Variants in RASEF observed in about 807,000 individuals in gnomAD.
RASEF encodes RAS and EF-hand domain containing, also known as ras and EF-hand domain-containing protein.
A neutral mutation model predicts 90.1 loss-of-function variants in RASEF; 68 were observed. The ratio of observed to expected loss-of-function variants is 0.75; its 90% CI spans 0.62 to 0.92. RASEF has a LOEUF of 0.92. RASEF is among the 40% of genes least tolerant of loss of function. The pLI is 0.00. For missense variants in RASEF, 949 were observed against 937.2 expected, an observed-to-expected ratio of 1.01 and a Z score of -0.16; for synonymous variants, 331 against 345.2, an observed-to-expected ratio of 0.96 and a Z score of 0.46.
chr9:83,086,505 T>G, the RASEF span, among the ~76,000 whole-genome samples: 1 of 152,332 alleles, frequency 6.6e-6, no homozygotes, highest in East Asian at 1.9e-4. Flanking sequence ...ACCATAACTA[T>G]GTTTTATACC....
chr9:83,108,172 G>A, the RASEF span, among the ~76,000 whole-genome samples: 1 of 152,114 alleles, frequency 6.6e-6, no homozygotes. Flanking sequence ...ATGGGTGTAT[G>A]TATGTGTAAA....
chr9:83,037,937 A>G (rs1482266708), intron 1 of RASEF, among the ~76,000 whole-genome samples: 1 of 152,096 alleles, frequency 6.6e-6, no homozygotes, highest in Non-Finnish European at 1.5e-5. Flanking sequence ...AAGGAATTAA[A>G]CAAATTCAAT....
the RASEF span, among the ~76,000 whole-genome samples, chr9:83,217,777 A>T: frequency 1.3e-5 from 2 of 152,184 alleles, no homozygotes; most frequent in Non-Finnish European, 2.9e-5. Context: ...CGGTTTCCTC[A>T]TTCATAAAAA....
the RASEF span, among the ~76,000 whole-genome samples, chr9:83,090,984 T>C: frequency 7.2e-5 from 11 of 152,194 alleles, no homozygotes; most frequent in Admixed American, 7.2e-4. Flanking sequence ...GGTTAGCTAC[T>C]AATTGGACAG....
the RASEF span, among the ~76,000 whole-genome samples, chr9:83,153,332 T>A: frequency 6.6e-6 from 1 of 152,182 alleles, no homozygotes; most frequent in East Asian, 1.9e-4. Flanking sequence ...ATGGTATATA[T>A]CTGATTAAAC....
At chr9:83,085,080 A>C in the RASEF span, among the ~76,000 whole-genome samples, 1 of 152,184 alleles carries the variant, frequency 6.6e-6, no homozygotes, top group Admixed American at 6.5e-5. Flanking sequence ...CCCAGTAAGA[A>C]CAAGTAGGTA....
the RASEF span, among the ~76,000 whole-genome samples, chr9:83,161,675 G>A: frequency 1.0e-5 from 1 of 98,042 alleles, no homozygotes; most frequent in African/African-American, 4.8e-5. Context: ...TGAGATTTGG[G>A]AGGGGACAGG....
In RASEF at chr9:83,062,734, G is replaced by T; in HGVS notation, c.134C>A (p.Ala45Asp). The T allele has an allele frequency of 2.5e-6, 4 of 1,571,010 alleles. No homozygotes were observed. Among genetic ancestry groups the T allele is most frequent in the Non-Finnish European group, 2.6e-6 (3 of 1,167,138 alleles). ...ALCTELRVRP[A>D]DAEAVFQRLD... ...CCGCTGGAATACTGCCTCGGCGTCG[G>T]CCGGCCGCACCCGCAGCTCCGTGCA... Residue 45 changes from alanine to aspartate, a missense_variant, in exon 1 of 17, where the codon GCC (alanine) becomes GAC (aspartate). Transcript: ENST00000376447.
chr9:83,134,410 GCACACACACACACACA>G, the RASEF span, among the ~76,000 whole-genome samples: 16 of 139,134 alleles, frequency 1.1e-4, no homozygotes, highest in Admixed American at 7.2e-4. Flanking sequence ...TCACAATAGC[GCACACACACACACACA>G]CACACACACA....
chr9:83,184,742 A>G, the RASEF span, among the ~76,000 whole-genome samples: 4 of 152,206 alleles, frequency 2.6e-5, no homozygotes, highest in Non-Finnish European at 5.9e-5. Context: ...CATCTCTGCA[A>G]CCTATCAGAA....
At chr9:83,060,925 T>A (rs1830191782) in intron 1 of RASEF, among the ~76,000 whole-genome samples, 1 of 152,226 alleles carries the variant, frequency 6.6e-6, no homozygotes, top group Admixed American at 6.5e-5. Context: ...ATTCCTGGTT[T>A]GTACACTGAC....
the RASEF span, among the ~76,000 whole-genome samples, chr9:83,215,232 C>T: frequency 0.36 from 54,684 of 151,748 alleles, 11,313 homozygotes; most frequent in Middle Eastern, 0.52. Context: ...CTCAATAAAA[C>T]TTCACATTCA....
chr9:83,172,627 C>T, the RASEF span, among the ~76,000 whole-genome samples: 1 of 151,676 alleles, frequency 6.6e-6, no homozygotes, highest in Admixed American at 6.6e-5. Flanking sequence ...TGAAAAGAAA[C>T]AAATAATGAA....
At chr9:82,983,836 T>C (rs1828663724) in intron 16 of RASEF, among the ~76,000 whole-genome samples, 1 of 152,166 alleles carries the variant, frequency 6.6e-6, no homozygotes, top group Non-Finnish European at 1.5e-5. Context: ...GGGACTGAGA[T>C]GCCACGTGGA....
intron 11 of RASEF, 25 bp from the exon 12 acceptor site, chr9:83,000,341 G>A (rs760234455): frequency 3.0e-5 from 49 of 1,612,168 alleles, no homozygotes; most frequent in Non-Finnish European, 3.9e-5. Flanking sequence ...CACAGTGAAT[G>A]ATAACGGTAT....
At chr9:83,121,366 A>G in the RASEF span, among the ~76,000 whole-genome samples, 1 of 152,132 alleles carries the variant, frequency 6.6e-6, no homozygotes, top group Admixed American at 6.5e-5. Flanking sequence ...GGTTTTAGGT[A>G]TATGTTTAGT....
At chr9:83,093,674 C>T in the RASEF span, among the ~76,000 whole-genome samples, 25 of 152,184 alleles carry the variant, frequency 1.6e-4, no homozygotes, top group Admixed American at 1.5e-3. Context: ...CCCCGGTTCC[C>T]GCTCGCGCCT....
At chr9:83,000,090 G>T in intron 12 of RASEF, 79 bp downstream of exon 12, 1 of 1,298,186 alleles carries the variant, frequency 7.7e-7, no homozygotes, top group Non-Finnish European at 1.1e-6. Context: ...CTGAGCATCT[G>T]TGTATGTAAT....
the RASEF span, among the ~76,000 whole-genome samples, chr9:83,209,506 A>G: frequency 1.3e-5 from 2 of 152,270 alleles, no homozygotes; most frequent in Admixed American, 1.3e-4. Flanking sequence ...AAATTTGGCC[A>G]GAAGAAACTG....
Sources: allele counts gnomAD v4.1 joint callset (sites outside exome capture counted in the v4.1 genomes callset), GRCh38; gene constraint gnomAD v4.1.1; transcripts MANE v1.5; gene names NCBI Gene and HGNC (gene_info 2026-07-23, HGNC 2026-07-21).